The following HSPG2 variants were observed in gnomAD, a reference collection of about 807,000 sequenced individuals.
HSPG2 encodes the protein heparan sulfate proteoglycan 2, also known as basement membrane-specific heparan sulfate proteoglycan core protein.
Under a neutral mutation model 526.6 loss-of-function variants are expected in HSPG2, and 278 were observed. That is an observed-to-expected ratio of 0.53 (90% CI 0.48 to 0.58). HSPG2 has a LOEUF of 0.58. Ranked by LOEUF, HSPG2 falls within the 20% of genes least tolerant of loss-of-function variation. The pLI is 0.00. For synonymous variants in HSPG2, 2,465 were observed against 2,555.4 expected, an observed-to-expected ratio of 0.96 and a Z score of 1.07; for missense variants, 5,354 against 6,099.5, an observed-to-expected ratio of 0.88 and a Z score of 4.07.
intron 1 of HSPG2, among the ~76,000 whole-genome samples, chr1:21,906,407 G>A (rs753363570): frequency 4.6e-5 from 7 of 152,326 alleles, no homozygotes; most frequent in Non-Finnish European, 7.3e-5. Flanking sequence ...GGAACAGCCC[G>A]GCAGCTGTGG....
chr1:21,913,517 C>T (rs2445132), intron 1 of HSPG2, among the ~76,000 whole-genome samples: 1 of 152,194 alleles, frequency 6.6e-6, no homozygotes, highest in African/African-American at 2.4e-5. Flanking sequence ...AGACAGCCCA[C>T]GGACAGCCAG....
rs145276816 is a variant in HSPG2 at position 21,851,253 on chromosome 1, G to A, written c.7158+293C>T. On this transcript the variant is annotated intron_variant, in intron 55 of 96. Coordinates refer to ENST00000374695, the MANE Select transcript of HSPG2 (RefSeq NM_005529.7). ...CTCCCAAAGTGCTGGGATTACAGGC[G>A]TAAGCCACCGTGCCCGGCTGGTACG... 4,296 of 457,766 alleles carry A rather than the reference G, an allele frequency of 9.4e-3. 29 individuals are homozygous for A. The highest frequency in any genetic ancestry group is 0.014 in the Non-Finnish European group (3,436 of 249,570). The allele number at this position is 457,766 out of a possible 1,614,324, so 28.4% of individuals were successfully genotyped here.
intron 6 of HSPG2, among the ~76,000 whole-genome samples, chr1:21,889,122 G>C (rs1237693667): frequency 6.6e-6 from 1 of 152,124 alleles, no homozygotes; most frequent in Non-Finnish European, 1.5e-5. Context: ...GGAGGTGATG[G>C]TTTCACTGTC....
At chr1:21,924,500 A>G (rs1644131903) in intron 1 of HSPG2, among the ~76,000 whole-genome samples, 2 of 152,148 alleles carry the variant, frequency 1.3e-5, no homozygotes, top group African/African-American at 2.4e-5. Context: ...TTTGGGGGGT[A>G]GTGAGCAGTT....
chr1:21,855,136 G>C (rs921760127), intron 47 of HSPG2, among the ~76,000 whole-genome samples, 153 bp from the exon 48 acceptor site: 4 of 152,174 alleles, frequency 2.6e-5, no homozygotes, highest in African/African-American at 9.7e-5. Flanking sequence ...CAGCCAAGAG[G>C]ACGGCAGGGG....
chr1:21,829,267 G>C, intron 87 of HSPG2, 116 bp downstream of exon 87: 1 of 1,370,450 alleles, frequency 7.3e-7, no homozygotes, highest in Non-Finnish European at 1.0e-6. Flanking sequence ...TGCACAGGAA[G>C]AGGGGACTTG....
At chr1:21,854,493 C>T in intron 49 of HSPG2, 118 bp downstream of exon 49, 2 of 1,455,842 alleles carry the variant, frequency 1.4e-6, no homozygotes, top group Non-Finnish European at 1.9e-6. Flanking sequence ...TGAGGCCTGG[C>T]TTCTGCTGGT....
At chr1:21,915,424 A>G (rs1643866952) in intron 1 of HSPG2, among the ~76,000 whole-genome samples, 1 of 152,220 alleles carries the variant, frequency 6.6e-6, no homozygotes, top group Non-Finnish European at 1.5e-5. Flanking sequence ...GGAAAATAAC[A>G]GGGGCAGAGG....
intron 81 of HSPG2, among the ~76,000 whole-genome samples, chr1:21,832,147 T>G (rs1004496422): frequency 6.6e-6 from 1 of 152,202 alleles, no homozygotes; most frequent in African/African-American, 2.4e-5. Flanking sequence ...TCTTCCCCAG[T>G]GAGAATACAC....
chr1:21,901,461 T>A (rs1217794764), intron 1 of HSPG2, among the ~76,000 whole-genome samples: 5 of 152,034 alleles, frequency 3.3e-5, no homozygotes, highest in Admixed American at 2.0e-4. Flanking sequence ...GGAGCCTGGC[T>A]GAGTGGGCAG....
In HSPG2 at chr1:21,853,028, G is replaced by A. The variant is rs2152721694; in HGVS notation, c.6482C>T (p.Ser2161Leu). 1 of 1,613,924 alleles carries A rather than the reference G, an allele frequency of 6.2e-7. No homozygotes were observed. The highest frequency in any genetic ancestry group is 2.2e-5 in the East Asian group (1 of 44,884). ...CAGGGTCTGCCCTTCCGCCACGTGT[G>A]AGGAGGAGGGCTCGATGCGGATGGG... ...TRPIRIEPSS[S>L]HVAEGQTLDL... Residue 2161 changes from serine to leucine, a missense_variant, in exon 51 of 97, where the codon TCA becomes TTA. Coordinates refer to ENST00000374695, the MANE Select transcript of HSPG2 (RefSeq NM_005529.7).
In HSPG2 at chr1:21,852,921, G is replaced by C. The variant is rs1639015768; in HGVS notation, c.6589C>G (p.Gln2197Glu). The C allele has an allele frequency of 6.2e-7, 1 of 1,612,812 alleles. No homozygotes were observed. The highest frequency in any genetic ancestry group is 8.5e-7 in the Non-Finnish European group (1 of 1,179,828). ...GTGGTCCCGGGGGGCTGCCATACCT[G>C]GTGCCGGGCAGGGAGGCTGCCCCCA... ...KRGGSLPARH[Q>E]THGSLLRLHQ... is the part of the protein sequence containing the mutation. Residue 2197 changes from glutamine (Q) to glutamate (E), a missense_variant and splice_region_variant, in exon 51 of 97, where the codon CAG becomes GAG. Coordinates refer to ENST00000374695, the MANE Select transcript of HSPG2 (RefSeq NM_005529.7).
In HSPG2 at chr1:21,848,803, G is replaced by A; in HGVS notation, c.7586-9C>T. ...GTACGCCACACCCTGGGCTGGGAGG[G>A]TGAGATGTAAGGCAGGGTGTGGGAG... On this transcript the variant is annotated splice_polypyrimidine_tract_variant and intron_variant, in intron 58 of 96. Coordinates refer to ENST00000374695, the MANE Select transcript of HSPG2 (RefSeq NM_005529.7). This position sits in a 1 kb window ranked among gnomAD's most constrained non-coding sequence, Gnocchi z 4.9. The A allele has an allele frequency of 1.2e-6, 2 of 1,613,590 alleles. No individual in the cohort carries two copies. Among genetic ancestry groups the A allele is most frequent in the South Asian group, 1.1e-5 (1 of 91,076 alleles).
At chr1:21,868,960 G>A in intron 33 of HSPG2, 1 of 975,536 alleles carries the variant, frequency 1.0e-6, no homozygotes. Context: ...CTTCGTAGGA[G>A]AGAGAGAACT....
chr1:21,887,622 TGTC>T lies in HSPG2; in HGVS notation c.753_755del (p.Thr252del), dbSNP rs1270036867. The stretch of plus-strand genomic sequence containing the variant: ...TTGTCTCTGGCCGGGGCGGTAAAGA[TGTC>T]GTCTCCACAAGGAGAGAGAATGTGG... On this transcript the variant is annotated inframe_deletion, in exon 8 of 97. Transcript: ENST00000374695. The surrounding 1 kb of genome is among the most constrained non-coding windows in gnomAD (Gnocchi z 5.0). The T allele has an allele frequency of 6.2e-7, 1 of 1,613,960 alleles. No individual in the cohort carries two copies. Among genetic ancestry groups the T allele is most frequent in the Non-Finnish European group, 8.5e-7 (1 of 1,179,996 alleles).
chr1:21,920,431 T>C (rs895588676), intron 1 of HSPG2, among the ~76,000 whole-genome samples: 2 of 152,116 alleles, frequency 1.3e-5, no homozygotes, highest in East Asian at 3.9e-4. Flanking sequence ...CACCGGCTCC[T>C]TGCTGGGTCA....
At chr1:21,834,015 A>G (rs1572164858) in intron 77 of HSPG2, 90 bp from the exon 78 acceptor site, 2 of 869,442 alleles carry the variant, frequency 2.3e-6, no homozygotes, top group Non-Finnish European at 3.8e-6. Flanking sequence ...TCTTCACACC[A>G]CCCCTTGAAG....
Position 21,879,139 on chromosome 1 carries a change from G to T in HSPG2, c.2344-18C>A. 6.2e-7 allele frequency: 1 copy of T among 1,614,142 alleles called. No homozygotes were observed. ...TGGCAATTCTAGAAGAAGGAGGAGG[G>T]TATGGCTCAACTTCTAGAGCAGAAC... On this transcript the variant is annotated intron_variant, in intron 17 of 96. Transcript: ENST00000374695.
chr1:21,834,003 C>T (rs2152695843), intron 77 of HSPG2, 78 bp from the exon 78 acceptor site: 1 of 915,650 alleles, frequency 1.1e-6, no homozygotes, highest in Non-Finnish European at 1.8e-6. Context: ...TGATTCATTT[C>T]ATCTTCACAC....
Sources: gnomAD v4.1 joint callset for allele counts (sites outside exome capture counted in the v4.1 genomes callset) on GRCh38, gnomAD v4.1.1 for gene constraint, Gnocchi (gnomAD v3.1) non-coding constraint, MANE v1.5 for transcripts, NCBI Gene and HGNC (gene_info 2026-07-23, HGNC 2026-07-21) for gene names.